The following NME8 variants were observed in gnomAD, a reference collection of about 807,000 sequenced individuals.
NME8 encodes NME/NM23 family member 8.
A neutral mutation model predicts 82.3 loss-of-function variants in NME8; 72 were observed. The ratio of observed to expected loss-of-function variants is 0.87; its 90% CI spans 0.72 to 1.06. The LOEUF (loss-of-function observed/expected upper bound fraction) is 1.06, where lower values mean the gene tolerates loss of function less well. NME8 is among the 50% of genes least tolerant of loss of function. The pLI, the probability that NME8 is intolerant of heterozygous loss-of-function variation, is 0.00. For missense variants in NME8, 712 were observed against 685.4 expected (o/e 1.04, Z -0.43); for synonymous variants, 267 against 228.5 (o/e 1.17, Z -1.52).
rs773106974 is a variant in NME8 at position 37,862,016 on chromosome 7, T to G, written c.271-12T>G. ...AATGAAAGTTCCCCTCCTGTTTTCA[T>G]TTCCCTTATAGAATGGCAAAATTAT... On this transcript the variant is annotated splice_polypyrimidine_tract_variant and intron_variant, in intron 6 of 17. Transcript: ENST00000199447. 1.3e-6 allele frequency: 2 copies of G among 1,575,272 alleles called. No homozygotes were observed. Among genetic ancestry groups the G allele is most frequent in the Non-Finnish European group, 1.7e-6 (2 of 1,144,712 alleles).
At chr7:37,871,018 A>C (rs1784759166) in intron 11 of NME8, among the ~76,000 whole-genome samples, 1 of 151,454 alleles carries the variant, frequency 6.6e-6, no homozygotes, top group African/African-American at 2.4e-5. Flanking sequence ...GTTCACTTTC[A>C]CTCTTTATTG....
intron 5 of NME8, among the ~76,000 whole-genome samples, chr7:37,853,221 A>G (rs1015906850): frequency 2.0e-5 from 3 of 152,140 alleles, no homozygotes; most frequent in Admixed American, 1.3e-4. Context: ...TATTTTGAAT[A>G]ACAGTCTTTT....
At chr7:37,870,695 A>G (rs1442952716) in intron 11 of NME8, among the ~76,000 whole-genome samples, 3 of 151,788 alleles carry the variant, frequency 2.0e-5, no homozygotes, top group Non-Finnish European at 4.4e-5. Context: ...CTTGGTCTAT[A>G]GGCTTCTGAA....
At chr7:37,850,522 AC>A in intron 4 of NME8, 87 bp downstream of exon 4, 1 of 1,554,638 alleles carries the variant, frequency 6.4e-7, no homozygotes. Flanking sequence ...CCCCACTTTG[AC>A]CAAGAAATCC....
intron 11 of NME8, among the ~76,000 whole-genome samples, chr7:37,876,379 T>A (rs1157870050): frequency 6.6e-6 from 1 of 151,524 alleles, no homozygotes; most frequent in Non-Finnish European, 1.5e-5. Flanking sequence ...TTACCACATA[T>A]ATTTTTCTGA....
At chr7:37,867,037 T>C (rs372354732) in intron 10 of NME8, among the ~76,000 whole-genome samples, 60 of 152,346 alleles carry the variant, frequency 3.9e-4, no homozygotes, top group African/African-American at 1.3e-3. Context: ...TAGTCACTTA[T>C]GCCTTAGTCT....
chr7:37,861,999 T>C (rs1784603316), intron 6 of NME8, 29 bp from the exon 7 acceptor site: 1 of 1,399,654 alleles, frequency 7.1e-7, no homozygotes. Context: ...CAAATGAAAG[T>C]TCCCCTCCTG....
intron 10 of NME8, 107 bp from the exon 11 acceptor site, chr7:37,867,595 C>G: frequency 2.5e-6 from 2 of 789,532 alleles, no homozygotes; most frequent in East Asian, 2.6e-5. Context: ...TTCCTTTGCC[C>G]AGGGACCATG....
intron 14 of NME8, among the ~76,000 whole-genome samples, chr7:37,885,816 G>C (rs750010317): frequency 2.0e-5 from 3 of 152,146 alleles, no homozygotes; most frequent in African/African-American, 4.8e-5. Context: ...GATAGAAATA[G>C]TATCTCACGC....
chr7:37,886,598 G>A (rs768495987), intron 14 of NME8, among the ~76,000 whole-genome samples: 10 of 152,026 alleles, frequency 6.6e-5, no homozygotes, highest in Non-Finnish European at 1.3e-4. Flanking sequence ...GCAACCCCTC[G>A]TTGTTACCTG....
chr7:37,865,920 G>A (rs1784669593), intron 10 of NME8, among the ~76,000 whole-genome samples: 1 of 152,062 alleles, frequency 6.6e-6, no homozygotes, highest in Admixed American at 6.6e-5. Flanking sequence ...TGAATATCCA[G>A]TCATTTTCTA....
chr7:37,876,888 A>C lies in NME8; in HGVS notation c.875A>C (p.Asp292Ala). 3 of 1,613,010 alleles carry C rather than the reference A, an allele frequency of 1.9e-6. No homozygotes were observed. The highest frequency in any genetic ancestry group is 2.5e-6 in the Non-Finnish European group (3 of 1,179,242). Reference sequence around the variant, plus strand: ...GCTCAGCTCTGTGACATTGAAGAGGATGCAGCTAATGTTGCTAAGTTCATG... The same window carrying C: ...GCTCAGCTCTGTGACATTGAAGAGGCTGCAGCTAATGTTGCTAAGTTCATG... ...HLAQLCDIEEDAANVAKFMDA... is the reference protein window; with the variant it reads ...HLAQLCDIEEAAANVAKFMDA... Residue 292 changes from aspartate (D) to alanine (A), a missense_variant, in exon 12 of 18, where the codon GAT (aspartate) becomes GCT (alanine). Physicochemically the swap from Asp to Ala is moderately radical, Grantham distance 126. Transcript: ENST00000199447.
At chr7:37,872,178 A>G (rs1328404397) in intron 11 of NME8, among the ~76,000 whole-genome samples, 1 of 152,176 alleles carries the variant, frequency 6.6e-6, no homozygotes, top group Admixed American at 6.6e-5. Context: ...AAGGGCCAGG[A>G]TAGAACTGAG....
chr7:37,875,933 C>T (rs1210697463), intron 11 of NME8, among the ~76,000 whole-genome samples: 6 of 151,974 alleles, frequency 3.9e-5, no homozygotes, highest in Admixed American at 6.6e-5. Context: ...ATTGACTGGG[C>T]GCGGTGGCTC....
chr7:37,856,162 G>A (rs1440099861), intron 5 of NME8, among the ~76,000 whole-genome samples: 1 of 152,144 alleles, frequency 6.6e-6, no homozygotes, highest in African/African-American at 2.4e-5. Context: ...TGAACACAAT[G>A]AAAATTCCAC....
At chr7:37,865,388 G>A (rs1784661285) in intron 9 of NME8, 137 bp from the exon 10 acceptor site, 2 of 674,046 alleles carry the variant, frequency 3.0e-6, no homozygotes, top group African/African-American at 1.8e-5. Context: ...TTCAAACCAA[G>A]TGTCCTATAG....
At position 37,896,843 on chromosome 7, in the gene NME8, G is replaced by A. The variant is rs745674578; in HGVS notation, c.1545-27G>A. On this transcript the variant is annotated intron_variant, in intron 16 of 17. Transcript: ENST00000199447. ...GTGTCAACAGTTTTCAGTAGGCTGG[G>A]TCTTCTGAAAGCACCGTTCTTTGCA... 21 of 1,594,444 alleles carry A rather than the reference G, an allele frequency of 1.3e-5. No homozygotes were observed. The African/African-American group carries it at 2.1e-4, about 16-fold the overall frequency.
At chr7:37,880,204 T>C (rs1208725524) in intron 12 of NME8, among the ~76,000 whole-genome samples, 1 of 152,224 alleles carries the variant, frequency 6.6e-6, no homozygotes, top group Non-Finnish European at 1.5e-5. Flanking sequence ...TTATTTTTAA[T>C]TTAGTCCAGC....
chr7:37,881,265 T>C (rs2722335), intron 12 of NME8, among the ~76,000 whole-genome samples: 71,059 of 151,952 alleles, frequency 0.47, 17,039 homozygotes, highest in East Asian at 0.74. Context: ...TCTAGTTTCT[T>C]TCCATTAAGG....
Sources: gnomAD v4.1 joint callset for allele counts (sites outside exome capture counted in the v4.1 genomes callset) on GRCh38, gnomAD v4.1.1 for gene constraint, MANE v1.5 for transcripts, NCBI Gene and HGNC (gene_info 2026-07-23, HGNC 2026-07-21) for gene names.